The following GGT5 variants were observed in gnomAD, a reference collection of about 807,000 sequenced individuals.
GGT5 encodes the protein glutathione hydrolase 5 proenzyme.
Under a neutral mutation model 58.1 loss-of-function variants are expected in GGT5, and 50 were observed. The ratio of observed to expected loss-of-function variants is 0.86; its 90% CI spans 0.69 to 1.09. The LOEUF is 1.09. GGT5 is among the 50% of genes least tolerant of loss of function. GGT5 has a pLI of 0.00. For missense variants in GGT5, 800 were observed against 789.4 expected (o/e 1.01, Z -0.16); for synonymous variants, 370 against 346.1 (o/e 1.07, Z -0.77).
chr22:24,244,393 TACACTCACAC>T, intron 1 of GGT5, 150 bp downstream of exon 1: 1 of 662,298 alleles, frequency 1.5e-6, no homozygotes, highest in South Asian at 1.8e-5. Context: ...CACACTCACA[TACACTCACAC>T]ACACCCACAC....
chr22:24,226,333 G>C, intron 7 of GGT5, 67 bp from the exon 8 acceptor site: 2 of 1,297,312 alleles, frequency 1.5e-6, no homozygotes, highest in Non-Finnish European at 2.2e-6. Context: ...CCAAGGGCAG[G>C]ATGAGATCAG....
chr22:24,224,639 A>G (rs547359390), intron 11 of GGT5, among the ~76,000 whole-genome samples: 82 of 152,364 alleles, frequency 5.4e-4, no homozygotes, highest in African/African-American at 1.9e-3. Context: ...AGTTGCAAAT[A>G]TTAGTTACAA....
intron 1 of GGT5, among the ~76,000 whole-genome samples, chr22:24,238,058 A>G (rs1183172980): frequency 2.6e-5 from 4 of 151,066 alleles, no homozygotes; most frequent in Admixed American, 6.6e-5. Flanking sequence ...TTAAAACCCC[A>G]TCTCTACCAA....
chr22:24,226,670 C>T lies in GGT5; in HGVS notation c.999G>A (p.Arg333=). Residue 333 remains arginine, a synonymous_variant, in exon 7 of 12, where the codon AGG becomes AGA. Transcript: ENST00000327365. ...GGCTTCGAGGGTCCCCCAGCCTCCA[C>T]CTCTGCCCCTTGGCAAACTTGAGCG... is the stretch of plus-strand genomic sequence containing the variant. The part of the protein sequence containing the change: ...VETLKFAKGQ[R]WRLGDPRSHP... 6.2e-7 allele frequency: 1 copy of T among 1,614,182 alleles called. No homozygotes were observed. Among genetic ancestry groups the T allele is most frequent in the Non-Finnish European group, 8.5e-7 (1 of 1,180,006 alleles).
chr22:24,229,243 A>C (rs1430491457), intron 6 of GGT5, among the ~76,000 whole-genome samples: 1 of 151,294 alleles, frequency 6.6e-6, no homozygotes, highest in African/African-American at 2.4e-5. Flanking sequence ...ATCTTTACTA[A>C]TAATACAAAA....
chr22:24,244,408 C>T, intron 1 of GGT5, 145 bp downstream of exon 1: 2 of 717,934 alleles, frequency 2.8e-6, no homozygotes, highest in East Asian at 2.5e-5. Flanking sequence ...TCACACACAC[C>T]CACACATGCA....
chr22:24,227,228 G>A (rs1313142146), intron 6 of GGT5, among the ~76,000 whole-genome samples: 4 of 152,014 alleles, frequency 2.6e-5, no homozygotes, highest in Non-Finnish European at 4.4e-5. Flanking sequence ...AGGATTACAG[G>A]CGTAAGCCAT....
intron 1 of GGT5, among the ~76,000 whole-genome samples, chr22:24,234,609 C>T (rs1288029128): frequency 6.6e-6 from 1 of 152,186 alleles, no homozygotes; most frequent in Non-Finnish European, 1.5e-5. Flanking sequence ...CACTTGAGGT[C>T]AGGAGTTCAA....
rs1393006835 is a variant in GGT5 at position 24,244,878 on chromosome 22, G to A, written c.-153C>T. 5.9e-5 allele frequency: 80 copies of A among 1,354,338 alleles called. No homozygotes were observed. The South Asian group carries it at 9.6e-4, about 16-fold the overall frequency. 83.9% of individuals were successfully genotyped at this position (1,354,338 alleles called of 1,614,324 possible). On this transcript the variant is annotated 5_prime_UTR_variant, in exon 1 of 12. Coordinates refer to ENST00000327365, the MANE Select transcript of GGT5 (RefSeq NM_004121.5). ...CTGAAGACAGACACGAAGATGGATC[G>A]ACAGATAGGCCAGATAGCTAGACAA...
At chr22:24,220,753 T>C (rs761956338) in intron 11 of GGT5, 37 of 445,796 alleles carry the variant, frequency 8.3e-5, no homozygotes, top group Non-Finnish European at 1.5e-4. Context: ...AAAATTGGGC[T>C]GGGCGTGGTG....
intron 6 of GGT5, among the ~76,000 whole-genome samples, chr22:24,231,143 C>T (rs1372391237): frequency 2.6e-5 from 4 of 152,206 alleles, no homozygotes; most frequent in African/African-American, 4.8e-5. Context: ...GGACTCTGGA[C>T]GAATGATATC....
At chr22:24,228,761 T>C (rs2047852263) in intron 6 of GGT5, among the ~76,000 whole-genome samples, 1 of 150,444 alleles carries the variant, frequency 6.6e-6, no homozygotes, top group Non-Finnish European at 1.5e-5. Flanking sequence ...GAAACAGTTA[T>C]ATACCAAAGC....
rs549292562 is a variant in GGT5, at chr22:24,222,890, A to G, written c.1614+2106T>C. Among the ~76,000 whole-genome samples, 12 of 151,732 alleles carry G rather than the reference A, an allele frequency of 7.9e-5. No individual in the cohort carries two copies. In the East Asian group the frequency reaches 2.4e-3, roughly 30 times the overall value. ...CAGGAGATCGAGACCATCCTGGCTA[A>G]CACGGTGAAACCCTGTCTCTACTAA... On this transcript the variant is annotated intron_variant, in intron 11 of 11. Transcript: ENST00000327365.
intron 4 of GGT5, among the ~76,000 whole-genome samples, chr22:24,232,479 G>A (rs746243938): frequency 6.6e-6 from 1 of 152,184 alleles, no homozygotes; most frequent in South Asian, 2.1e-4. Flanking sequence ...TCCTGGGAGG[G>A]CCTGTCAGTG....
chr22:24,243,512 G>A (rs955413635), intron 1 of GGT5: 1 of 152,262 alleles, frequency 6.6e-6, no homozygotes, highest in African/African-American at 2.4e-5. Flanking sequence ...TGAACAGAGA[G>A]AGAGAGCAGC....
chr22:24,236,846 A>G (rs2048112691), intron 1 of GGT5, among the ~76,000 whole-genome samples: 1 of 152,012 alleles, frequency 6.6e-6, no homozygotes, highest in Non-Finnish European at 1.5e-5. Context: ...TCCCTCAGAG[A>G]ACTAGAAAAG....
chr22:24,220,376 GT>G (rs2047554513), intron 11 of GGT5: 1 of 605,354 alleles, frequency 1.7e-6, no homozygotes, highest in South Asian at 1.5e-5. Context: ...GTTCATGTCT[GT>G]TCTGGATCCA....
At chr22:24,238,225 T>C (rs2048155561) in intron 1 of GGT5, among the ~76,000 whole-genome samples, 1 of 113,406 alleles carries the variant, frequency 8.8e-6, no homozygotes, top group Non-Finnish European at 1.7e-5. Context: ...TGAGGCTCCG[T>C]CTCAAAAAAA....
chr22:24,233,852 G>A (rs772223696), intron 2 of GGT5, 22 bp downstream of exon 2: 32 of 1,607,146 alleles, frequency 2.0e-5, no homozygotes, highest in Non-Finnish European at 2.7e-5. Flanking sequence ...TCTTCCCCAT[G>A]GCAGTTCACA....
Sources: allele counts gnomAD v4.1 joint callset (sites outside exome capture counted in the v4.1 genomes callset), GRCh38; gene constraint gnomAD v4.1.1; transcripts MANE v1.5; gene names NCBI Gene and HGNC (gene_info 2026-07-23, HGNC 2026-07-21).